The following HPF1 variants were observed in gnomAD, a reference collection of about 807,000 sequenced individuals.
HPF1 encodes the protein histone PARylation factor 1, also known as UPF0609 protein C4orf27.
Under a neutral mutation model 38.8 loss-of-function variants are expected in HPF1, and 35 were observed. That is an observed-to-expected ratio of 0.90 (90% CI 0.69 to 1.19). HPF1 has a LOEUF of 1.19. HPF1 is among the 50% of genes most tolerant of loss of function. The pLI is 0.00. For synonymous variants in HPF1, 115 were observed against 139.2 expected, an observed-to-expected ratio of 0.83 and a Z score of 1.22; for missense variants, 367 against 405.8, an observed-to-expected ratio of 0.90 and a Z score of 0.82.
intron 6 of HPF1, among the ~76,000 whole-genome samples, chr4:169,735,343 C>T (rs1231180500): frequency 1.2e-4 from 19 of 152,090 alleles, no homozygotes; most frequent in Non-Finnish European, 2.9e-5. Context: ...TAAGTTAAAG[C>T]GTTATTGTGA....
At chr4:169,756,620 C>A (rs1734191099) in intron 1 of HPF1, among the ~76,000 whole-genome samples, 1 of 152,130 alleles carries the variant, frequency 6.6e-6, no homozygotes. Flanking sequence ...GCATACAGTG[C>A]CTATATCGGG....
intron 2 of HPF1, among the ~76,000 whole-genome samples, chr4:169,751,455 C>T (rs1734118988): frequency 1.3e-5 from 2 of 151,704 alleles, no homozygotes; most frequent in Non-Finnish European, 2.9e-5. Context: ...TTTCCTCTAC[C>T]TCAGCTAATC....
Position 169,757,842 on chromosome 4 carries a change from T to TGCGCTTC in HPF1, c.35_36insGAAGCGC (p.Glu13LysfsTer8), listed in dbSNP as rs1560893171. 1 of 1,562,920 alleles carries TGCGCTTC rather than the reference T, an allele frequency of 6.4e-7. No homozygotes were observed. The highest frequency in any genetic ancestry group is 1.4e-5 in the African/African-American group (1 of 73,668). On this transcript the variant is annotated frameshift_variant, in exon 1 of 8. Coordinates refer to ENST00000393381, the MANE Select transcript of HPF1 (RefSeq NM_017867.3). LOFTEE classifies it high-confidence loss of function. The stretch of plus-strand genomic sequence containing the variant: ...TTTCCGGCAGTACCTGCGGCCCCTC[T>TGCGCTTC]CCGCCGGGCCTGCGCTTCCCGCCAC...
intron 6 of HPF1, among the ~76,000 whole-genome samples, chr4:169,735,140 AAAG>A (rs1733876545): frequency 6.6e-6 from 1 of 151,748 alleles, no homozygotes; most frequent in Non-Finnish European, 1.5e-5. Flanking sequence ...AAAAAAAAAA[AAAG>A]AAGAAAGAAA....
Position 169,750,709 on chromosome 4 carries a change from G to C in HPF1, c.225C>G (p.Ser75Arg). 6.2e-7 allele frequency: 1 copy of C among 1,604,090 alleles called. No individual in the cohort carries two copies. The highest frequency in any genetic ancestry group is 8.5e-7 in the Non-Finnish European group (1 of 1,176,120). ...AAGGACCAACTAATTGAAGTCCAAG[G>C]CTTGCAGAAAGTGAATCTATAAAGA... ...PEKPSDSLSA[S>R]LGLQLVGPYD... The change falls in exon 3 of 8, where the codon AGC (serine) becomes AGG (arginine). Residue 75 changes from serine to arginine, a missense_variant. Coordinates refer to ENST00000393381, the MANE Select transcript of HPF1 (RefSeq NM_017867.3).
At chr4:169,731,681 A>C (rs1733830727) in intron 7 of HPF1, 23 bp downstream of exon 7, 1 of 1,495,888 alleles carries the variant, frequency 6.7e-7, no homozygotes, top group Non-Finnish European at 8.9e-7. Context: ...AGTGGGTAGA[A>C]GGTGGAGGGT....
chr4:169,737,571 T>C, intron 6 of HPF1, 89 bp downstream of exon 6: 1 of 832,356 alleles, frequency 1.2e-6, no homozygotes, highest in Middle Eastern at 2.9e-4. Context: ...TCAGAAAAGG[T>C]ATATAGACAT....
At chr4:169,751,904 A>G (rs1480432579) in intron 2 of HPF1, among the ~76,000 whole-genome samples, 2 of 152,124 alleles carry the variant, frequency 1.3e-5, no homozygotes, top group Non-Finnish European at 2.9e-5. Flanking sequence ...ACCCCCATGA[A>G]CAGATACAAA....
intron 6 of HPF1, among the ~76,000 whole-genome samples, chr4:169,736,332 C>CCT (rs2150289449): frequency 1.3e-5 from 2 of 148,392 alleles, no homozygotes; most frequent in South Asian, 4.2e-4. Context: ...TGCGCTCCGT[C>CCT]CTGGGTGACA....
At chr4:169,731,591 C>G in intron 7 of HPF1, 113 bp downstream of exon 7, 1 of 740,056 alleles carries the variant, frequency 1.4e-6, no homozygotes, top group Non-Finnish European at 2.1e-6. Context: ...CCCTGTCTTA[C>G]CTCTGCTGGA....
At chr4:169,735,910 C>T (rs979388571) in intron 6 of HPF1, among the ~76,000 whole-genome samples, 2 of 120,638 alleles carry the variant, frequency 1.7e-5, no homozygotes, top group Admixed American at 1.6e-4. Flanking sequence ...AAAAAAGAAA[C>T]AGGTGGGGCA....
At chr4:169,740,732 A>G (rs933216882) in intron 5 of HPF1, among the ~76,000 whole-genome samples, 1 of 152,196 alleles carries the variant, frequency 6.6e-6, no homozygotes, top group Admixed American at 6.5e-5. Context: ...ATGAAACTTC[A>G]TAGGGGAGGG....
At chr4:169,742,746 C>T (rs543170245) in intron 4 of HPF1, among the ~76,000 whole-genome samples, 2 of 151,840 alleles carry the variant, frequency 1.3e-5, no homozygotes, top group South Asian at 2.1e-4. Flanking sequence ...GAACCGAGAT[C>T]GCGCCACTGC....
At chr4:169,743,518 T>C (rs1734007701) in intron 4 of HPF1, among the ~76,000 whole-genome samples, 1 of 148,918 alleles carries the variant, frequency 6.7e-6, no homozygotes, top group South Asian at 2.1e-4. Flanking sequence ...TTAAGAAAAA[T>C]TTAGAAAACA....
At chr4:169,756,090 AAT>A (rs1009945555) in intron 1 of HPF1, among the ~76,000 whole-genome samples, 1 of 152,234 alleles carries the variant, frequency 6.6e-6, no homozygotes, top group African/African-American at 2.4e-5. Context: ...TAGTAAAGAT[AAT>A]ATAATAGTAA....
intron 6 of HPF1, among the ~76,000 whole-genome samples, chr4:169,735,360 T>A (rs1733879490): frequency 6.6e-6 from 1 of 152,146 alleles, no homozygotes; most frequent in Non-Finnish European, 1.5e-5. Context: ...GTGAGAAGCT[T>A]CAAAGGGTTA....
At chr4:169,734,698 T>G (rs1241142105) in intron 6 of HPF1, among the ~76,000 whole-genome samples, 1 of 152,224 alleles carries the variant, frequency 6.6e-6, no homozygotes, top group Non-Finnish European at 1.5e-5. Flanking sequence ...GTTAGGAGTT[T>G]CACTGCTGAA....
chr4:169,757,831 T>C lies in HPF1; in HGVS notation c.47A>G (p.Gln16Arg). Reference sequence around the variant, plus strand: ...CCCGCACAGCCTTTCCGGCAGTACCTGCGGCCCCTCTCCGCCGGGCCTGCG... The same window carrying C: ...CCCGCACAGCCTTTCCGGCAGTACCCGCGGCCCCTCTCCGCCGGGCCTGCG... ...GKRRPGGEGP[Q>R]CEKTTDVKKS... The change falls in exon 1 of 8, where the codon CAG (glutamine) becomes CGG (arginine). Residue 16 changes from glutamine (Q) to arginine (R), a missense_variant and splice_region_variant. Physicochemically the swap from Gln to Arg is conservative, Grantham distance 43. Transcript: ENST00000393381. The C allele has an allele frequency of 6.4e-7, 1 of 1,563,304 alleles. No homozygotes were observed. Among genetic ancestry groups the C allele is most frequent in the Non-Finnish European group, 8.6e-7 (1 of 1,161,344 alleles).
chr4:169,744,590 A>G lies in HPF1; in HGVS notation c.498-2483T>C, dbSNP rs150978282. On this transcript the variant is annotated intron_variant, in intron 4 of 7. Transcript: ENST00000393381. ...GGCCCTTTGGAAATAGTGGTTTACT[A>G]AGTTATATAGATGTAAGTGTTGAAA... 3.7e-3 allele frequency among the ~76,000 whole-genome samples: 564 copies of G among 152,362 alleles called. 3 individuals carry two copies. Among genetic ancestry groups the G allele is most frequent in the African/African-American group, 0.013 (537 of 41,582 alleles).
Sources: gnomAD v4.1 joint callset for allele counts (sites outside exome capture counted in the v4.1 genomes callset) on GRCh38, gnomAD v4.1.1 for gene constraint, MANE v1.5 for transcripts, NCBI Gene and HGNC (gene_info 2026-07-23, HGNC 2026-07-21) for gene names.